The following CHST8 variants were observed in gnomAD, a reference collection of about 807,000 sequenced individuals.
CHST8 encodes the protein carbohydrate sulfotransferase 8.
CHST8 carries 10 observed loss-of-function variants against 15.0 expected under a neutral mutation model. The observed-to-expected ratio is 0.67, with a 90% CI of 0.41 to 1.13. The LOEUF (loss-of-function observed/expected upper bound fraction) is 1.13. Among genes scored for constraint, CHST8 ranks in the 50% most tolerant of loss-of-function variants. CHST8 has a pLI of 0.00. For missense variants in CHST8, 634 were observed against 608.2 expected (o/e 1.04, Z -0.45); for synonymous variants, 259 against 256.6 (o/e 1.01, Z -0.09).
Position 33,687,304 on chromosome 19 carries a change from A to G in CHST8, c.-86-1872A>G, listed in dbSNP as rs377409716. On this transcript the variant is annotated intron_variant, in intron 2 of 4. Transcript: ENST00000650847. ...CAGGATGGCCTCATCCAGGGCAGCC[A>G]TGGAGAGAGAGGCCCCAGCCCCGCA... Among the ~76,000 whole-genome samples, 293 of 152,322 alleles carry G rather than the reference A, an allele frequency of 1.9e-3. 1 individual carries two copies. The highest frequency in any genetic ancestry group is 6.9e-3 in the African/African-American group (286 of 41,576).
intron 3 of CHST8, among the ~76,000 whole-genome samples, chr19:33,713,468 A>T (rs1973599300): frequency 6.6e-6 from 1 of 152,156 alleles, no homozygotes. Context: ...CTTTTCCTAC[A>T]GGGTCTCCAT....
intron 3 of CHST8, among the ~76,000 whole-genome samples, chr19:33,750,396 G>C (rs1012050625): frequency 7.2e-5 from 11 of 152,196 alleles, no homozygotes; most frequent in Non-Finnish European, 1.6e-4. Context: ...GCTACCCCCA[G>C]GACCCCAGGG....
At chr19:33,634,316 C>T (rs950946655) in intron 1 of CHST8, among the ~76,000 whole-genome samples, 9 of 152,126 alleles carry the variant, frequency 5.9e-5, no homozygotes, top group African/African-American at 1.9e-4. Flanking sequence ...TCTCAGATGA[C>T]GAATGCAGTT....
chr19:33,673,854 A>T lies in CHST8; in HGVS notation c.-87+6011A>T, dbSNP rs544840328. 9.2e-5 allele frequency among the ~76,000 whole-genome samples: 14 copies of T among 152,218 alleles called. No homozygotes were observed. In the East Asian group the frequency reaches 2.7e-3, roughly 29 times the overall value. Reference sequence around the variant, plus strand: ...CTGCTACCTCCACCTCCCGGGTTCCAGCGATTCTTCTGCCTCAGCTTCCCG... The same window carrying T: ...CTGCTACCTCCACCTCCCGGGTTCCTGCGATTCTTCTGCCTCAGCTTCCCG... On this transcript the variant is annotated intron_variant, in intron 2 of 4. Coordinates refer to ENST00000650847, the MANE Select transcript of CHST8 (RefSeq NM_001127895.2).
chr19:33,698,411 G>A (rs1973266972), intron 3 of CHST8, among the ~76,000 whole-genome samples: 1 of 151,550 alleles, frequency 6.6e-6, no homozygotes, highest in Non-Finnish European at 1.5e-5. Flanking sequence ...AAGAAAGAAA[G>A]AAAGAAAGAA....
chr19:33,633,261 G>A lies in CHST8; in HGVS notation c.-164+10965G>A, dbSNP rs562118719. Among the ~76,000 whole-genome samples the A allele has an allele frequency of 5.0e-4, 76 of 152,334 alleles. 2 individuals are homozygous for A. The highest frequency in any genetic ancestry group is 1.3e-3 in the Admixed American group (20 of 15,310). On this transcript the variant is annotated intron_variant, in intron 1 of 4. Coordinates refer to ENST00000650847, the MANE Select transcript of CHST8 (RefSeq NM_001127895.2). ...TATTTGTTCCTTCCTCTTTGTACAG[G>A]ATTCCATCATGTGGGTAGACCCTAA...
At chr19:33,701,025 G>T (rs1973324000) in intron 3 of CHST8, among the ~76,000 whole-genome samples, 1 of 152,136 alleles carries the variant, frequency 6.6e-6, no homozygotes, top group Admixed American at 6.5e-5. Context: ...ATGCGTCTGG[G>T]CGGTGCTAGC....
chr19:33,664,431 C>T lies in CHST8; in HGVS notation c.-163-3336C>T, dbSNP rs1441233729. Reference sequence around the variant, plus strand: ...GGTATATCTCCCAGTGCTATCCCTCCCCCCTCCCCCCTCCCCCCTCCCCAC... The same window carrying T: ...GGTATATCTCCCAGTGCTATCCCTCTCCCCTCCCCCCTCCCCCCTCCCCAC... On this transcript the variant is annotated intron_variant, in intron 1 of 4. Transcript: ENST00000650847. Among the ~76,000 whole-genome samples, 8 of 94,250 alleles carry T rather than the reference C, an allele frequency of 8.5e-5. No individual in the cohort carries two copies. The East Asian group carries it at 2.0e-3, about 24-fold the overall frequency. 61.8% of individuals were successfully genotyped at this position (94,250 alleles called of 152,430 possible).
At chr19:33,623,391 C>G (rs1280452162) in intron 1 of CHST8, among the ~76,000 whole-genome samples, 1 of 152,346 alleles carries the variant, frequency 6.6e-6, no homozygotes, top group East Asian at 1.9e-4. Flanking sequence ...CGCGTCCCGG[C>G]CCCTCTCCAT....
intron 3 of CHST8, among the ~76,000 whole-genome samples, chr19:33,745,439 A>T (rs1389300005): frequency 6.6e-6 from 1 of 152,228 alleles, no homozygotes; most frequent in Non-Finnish European, 1.5e-5. Context: ...CCTGTGCTCC[A>T]CCTACCACCA....
At chr19:33,643,014 G>C (rs1469169024) in intron 1 of CHST8, among the ~76,000 whole-genome samples, 1 of 152,088 alleles carries the variant, frequency 6.6e-6, no homozygotes, top group Non-Finnish European at 1.5e-5. Flanking sequence ...GACATTTTGG[G>C]GGTTTTCGTT....
rs1298225609 is a variant in CHST8, at chr19:33,755,198, C to G, written c.131-16215C>G. 2.0e-3 allele frequency among the ~76,000 whole-genome samples: 312 copies of G among 152,326 alleles called. 1 individual carries two copies. The highest frequency in any genetic ancestry group is 7.3e-3 in the African/African-American group (303 of 41,574). ...TCACAGAAGCCTCTGGCACTGGAAA[C>G]CTTCTGATGCCCCTGTCAAAGCTCC... On this transcript the variant is annotated intron_variant, in intron 3 of 4. Coordinates refer to ENST00000650847, the MANE Select transcript of CHST8 (RefSeq NM_001127895.2).
Position 33,772,902 on chromosome 19 carries a change from C to T in CHST8, c.1114C>T (p.Arg372Trp), listed in dbSNP as rs770851153. ...IRAPRNLTFP[R>W]FKDRHSQEAR... Reference sequence around the variant, plus strand: ...CGCGCCGCGGAACCTGACCTTCCCCCGGTTCAAGGACCGGCACTCGCAGGA... The same window carrying T: ...CGCGCCGCGGAACCTGACCTTCCCCTGGTTCAAGGACCGGCACTCGCAGGA... The change falls in exon 5 of 5, where the codon CGG (arginine) becomes TGG (tryptophan). Residue 372 changes from arginine (R) to tryptophan (W), a missense_variant. Physicochemically the swap from Arg to Trp is moderately radical, Grantham distance 101. Transcript: ENST00000650847. The T allele has an allele frequency of 1.4e-5, 23 of 1,613,418 alleles. No individual in the cohort carries two copies. The highest frequency in any genetic ancestry group is 1.8e-5 in the Non-Finnish European group (21 of 1,180,054).
At chr19:33,684,147 G>A (rs947597962) in intron 2 of CHST8, among the ~76,000 whole-genome samples, 2 of 152,162 alleles carry the variant, frequency 1.3e-5, no homozygotes, top group African/African-American at 4.8e-5. Flanking sequence ...GTGGGAGGCC[G>A]GGCTGTGGTG....
chr19:33,708,292 C>T (rs1973484180), intron 3 of CHST8, among the ~76,000 whole-genome samples: 1 of 152,172 alleles, frequency 6.6e-6, no homozygotes, highest in Non-Finnish European at 1.5e-5. Context: ...TGTGTTGCGT[C>T]TAAGAAATTT....
chr19:33,703,551 G>A (rs1216800148), intron 3 of CHST8, among the ~76,000 whole-genome samples: 1 of 152,214 alleles, frequency 6.6e-6, no homozygotes, highest in East Asian at 1.9e-4. Flanking sequence ...GGCGGGCGCG[G>A]GCCCACACAC....
At chr19:33,684,490 A>C (rs1972940565) in intron 2 of CHST8, 1 of 152,400 alleles carries the variant, frequency 6.6e-6, no homozygotes, top group Admixed American at 6.5e-5. Context: ...TCAACCTTGC[A>C]GAGCATTGCA....
Position 33,757,523 on chromosome 19 carries a change from AG to A in CHST8, c.131-13889del, listed in dbSNP as rs1568358773. Among the ~76,000 whole-genome samples the A allele has an allele frequency of 2.2e-4, 3 of 13,374 alleles. 1 individual carries two copies. Among genetic ancestry groups the A allele is most frequent in the African/African-American group, 1.1e-3 (3 of 2,654 alleles). 8.8% of individuals were successfully genotyped at this position (13,374 alleles called of 152,430 possible). A position where few individuals can be genotyped will look rare whatever the true frequency, so the allele number is the denominator to read the frequency against. ...GAAAGAAAGAAAGAAAGAAAGAAAG[AG>A]AAAGAAAGAAAGAAAGAAAGAAAGA... is the stretch of plus-strand genomic sequence containing the variant. On this transcript the variant is annotated intron_variant, in intron 3 of 4. Coordinates refer to ENST00000650847, the MANE Select transcript of CHST8 (RefSeq NM_001127895.2).
intron 1 of CHST8, among the ~76,000 whole-genome samples, chr19:33,645,455 C>T (rs1450213131): frequency 2.6e-5 from 4 of 152,126 alleles, no homozygotes; most frequent in African/African-American, 7.2e-5. Flanking sequence ...TGGCAGTGGA[C>T]GTGAGCAGAT....
Sources: gnomAD v4.1 joint callset for allele counts (sites outside exome capture counted in the v4.1 genomes callset) on GRCh38, gnomAD v4.1.1 for gene constraint, MANE v1.5 for transcripts, NCBI Gene and HGNC (gene_info 2026-07-23, HGNC 2026-07-21) for gene names.